The following ZNF875 variants were observed in gnomAD, a reference collection of about 807,000 sequenced individuals.
ZNF875 encodes zinc finger protein 875, also known as HKR1, GLI-Kruppel zinc finger family member.
A neutral mutation model predicts 11.2 loss-of-function variants in ZNF875; 14 were observed. The ratio of observed to expected loss-of-function variants is 1.26; its 90% CI spans 0.83 to 1.96. The LOEUF (loss-of-function observed/expected upper bound fraction) is 1.96. ZNF875 is among the 30% of genes most tolerant of loss of function. ZNF875 has a pLI of 0.00. For synonymous variants in ZNF875, 301 were observed against 281.1 expected (o/e 1.07, Z -0.71); for missense variants, 752 against 760.4 (o/e 0.99, Z 0.13).
intron 2 of ZNF875, among the ~76,000 whole-genome samples, chr19:37,342,797 A>G (rs901638752): frequency 1.3e-5 from 2 of 152,184 alleles, no homozygotes; most frequent in African/African-American, 2.4e-5. Flanking sequence ...TTCCAAGTTC[A>G]TGCAGGCAAT....
intron 4 of ZNF875, among the ~76,000 whole-genome samples, chr19:37,351,543 A>G (rs750481381): frequency 6.6e-6 from 1 of 152,188 alleles, no homozygotes; most frequent in Non-Finnish European, 1.5e-5. Flanking sequence ...CTTTTCTAAT[A>G]CAATCACATA....
upstream of ZNF875, chr19:37,317,183 T>TTTC: frequency 1.6e-5 from 2 of 126,448 alleles, no homozygotes; most frequent in African/African-American, 6.0e-5. Context: ...AACCTGGTTT[T>TTTC]TTTTTTTTTT....
intron 2 of ZNF875, among the ~76,000 whole-genome samples, chr19:37,343,241 G>T (rs1292609300): frequency 6.6e-6 from 1 of 151,982 alleles, no homozygotes; most frequent in Non-Finnish European, 1.5e-5. Flanking sequence ...GGAGGCTGAG[G>T]CGGGAGCAGG....
intron 2 of ZNF875, chr19:37,344,582 A>C: frequency 3.2e-6 from 3 of 931,276 alleles, no homozygotes; most frequent in Non-Finnish European, 5.3e-6. Flanking sequence ...GTTGGTTACC[A>C]TTCATTTTTC....
chr19:37,337,391 T>C (rs765881361), intron 2 of ZNF875: 1 of 152,144 alleles, frequency 6.6e-6, no homozygotes, highest in Non-Finnish European at 1.5e-5. Flanking sequence ...AGAAGGGACT[T>C]GACATAAGGA....
intron 2 of ZNF875, 35 bp from the exon 3 acceptor site, chr19:37,347,155 C>T: frequency 6.2e-7 from 1 of 1,613,166 alleles, no homozygotes; most frequent in Non-Finnish European, 8.5e-7. Flanking sequence ...GAAAGACAGG[C>T]TCCTGGGTGA....
intron 4 of ZNF875, among the ~76,000 whole-genome samples, chr19:37,350,688 A>G (rs950689668): frequency 2.0e-5 from 3 of 151,988 alleles, no homozygotes; most frequent in Non-Finnish European, 1.5e-5. Flanking sequence ...CACCACAATA[A>G]AGATGTAGAA....
chr19:37,335,336 G>T (rs1457482391), intron 2 of ZNF875, 79 bp downstream of exon 2: 7 of 640,144 alleles, frequency 1.1e-5, no homozygotes, highest in Non-Finnish European at 2.0e-5. Flanking sequence ...AGGCTGCCTT[G>T]TTGGTATTGG....
At position 37,349,809 on chromosome 19, in the gene ZNF875, C is replaced by A. The variant is rs1240054230; in HGVS notation, c.256+1937C>A. Reference sequence around the variant, plus strand: ...AGCGGGGACTACAGGCGTGTGCCACCATGCCTGGCTGGTTTTTGTATTTTT... The same window carrying A: ...AGCGGGGACTACAGGCGTGTGCCACAATGCCTGGCTGGTTTTTGTATTTTT... On this transcript the variant is annotated intron_variant, in intron 4 of 4. Transcript: ENST00000392153. Among the ~76,000 whole-genome samples, 3 of 152,052 alleles carry A rather than the reference C, an allele frequency of 2.0e-5. No homozygotes were observed. The East Asian group carries it at 5.8e-4, about 30-fold the overall frequency.
intron 2 of ZNF875, among the ~76,000 whole-genome samples, chr19:37,343,370 CAA>C (rs34474063): frequency 1.3e-3 from 154 of 120,962 alleles, no homozygotes; most frequent in African/African-American, 4.1e-3. Context: ...AAAATAAAAC[CAA>C]AAAAAAAAAA....
At chr19:37,351,706 A>G (rs1484311432) in intron 4 of ZNF875, among the ~76,000 whole-genome samples, 3 of 152,106 alleles carry the variant, frequency 2.0e-5, no homozygotes, top group Admixed American at 1.3e-4. Context: ...TAATTTCCAG[A>G]TATTCAGGTA....
intron 2 of ZNF875, among the ~76,000 whole-genome samples, chr19:37,338,900 C>T (rs2035081360): frequency 6.6e-6 from 1 of 152,158 alleles, no homozygotes; most frequent in Admixed American, 6.5e-5. Context: ...GCAAGACTAT[C>T]TTAGGACATT....
At chr19:37,334,984 C>A (rs1599949107) in intron 1 of ZNF875, 185 bp from the exon 2 acceptor site, 1 of 526,102 alleles carries the variant, frequency 1.9e-6, no homozygotes, top group African/African-American at 1.9e-5. Context: ...CTCCCTGTCC[C>A]GAGCTTGCGG....
intron 4 of ZNF875, among the ~76,000 whole-genome samples, chr19:37,350,799 C>CTTTTTTTTT (rs61142979): frequency 4.4e-5 from 4 of 91,266 alleles, no homozygotes; most frequent in African/African-American, 1.3e-4. Flanking sequence ...ATTCTTTTTG[C>CTTTTTTTTT]TTTTTTTTTT....
rs1568581736 is a variant in ZNF875 at position 37,335,258 on chromosome 19, G to A, written c.33+1G>A. The A allele has an allele frequency of 2.9e-6, 2 of 700,814 alleles. No homozygotes were observed. Among genetic ancestry groups the A allele is most frequent in the South Asian group, 1.5e-5 (1 of 67,540 alleles). 43.4% of individuals were successfully genotyped at this position (700,814 alleles called of 1,614,324 possible). ...AGGGCTCCTGAGAGCCAAAAAAGAG[G>A]TGAGAATTAACTGTAATTCTATCTT... On this transcript the variant is annotated splice_donor_variant, in intron 2 of 4. Transcript: ENST00000392153. LOFTEE classifies it high-confidence loss of function.
chr19:37,345,009 A>G, intron 2 of ZNF875: 1 of 434,230 alleles, frequency 2.3e-6, no homozygotes. Context: ...CATACCCATC[A>G]CCTAGATTCT....
rs2040144501 is a variant in ZNF875, at chr19:37,362,683, T to C, written c.831T>C (p.Ser277=). ...SVLIKNPRTH[S]GGKPYVCREC... is the part of the protein sequence containing the mutation. ...TCATCAAAAACCCAAGGACACACTC[T>C]GGGGGAAAGCCTTATGTGTGCAGGG... The change falls in exon 5 of 5, where the codon TCT becomes TCC. Residue 277 remains serine (S), a synonymous_variant. Coordinates refer to ENST00000392153, the MANE Select transcript of ZNF875 (RefSeq NM_001353803.2). 2 of 1,612,956 alleles carry C rather than the reference T, an allele frequency of 1.2e-6. No individual in the cohort carries two copies. The highest frequency in any genetic ancestry group is 2.7e-5 in the African/African-American group (2 of 74,850).
In ZNF875 at chr19:37,347,417, A is replaced by T. The variant is rs868436812; in HGVS notation, c.160+101A>T. On this transcript the variant is annotated intron_variant, in intron 3 of 4. Transcript: ENST00000392153. ...GCAGAGCACCTTTCCCTTAGAGTTG[A>T]GCTTGAAAACAATTTACTTTTTTCC... 6.9e-6 allele frequency: 8 copies of T among 1,165,634 alleles called. No homozygotes were observed. In the South Asian group the frequency reaches 1.2e-4, roughly 17 times the overall value. 72.2% of individuals were successfully genotyped at this position (1,165,634 alleles called of 1,614,324 possible).
At chr19:37,328,123 C>T (rs1331997056) in intron 4 of ZNF875, among the ~76,000 whole-genome samples, 1 of 152,016 alleles carries the variant, frequency 6.6e-6, no homozygotes, top group African/African-American at 2.4e-5. Flanking sequence ...GCGTGTAACC[C>T]CAGCTATTTG....
Sources: gnomAD v4.1 joint callset for allele counts (sites outside exome capture counted in the v4.1 genomes callset) on GRCh38, gnomAD v4.1.1 for gene constraint, MANE v1.5 for transcripts, NCBI Gene and HGNC (gene_info 2026-07-23, HGNC 2026-07-21) for gene names.